Variants in MLF1 observed in about 807,000 individuals in gnomAD.
MLF1 encodes the protein myeloid leukemia factor 1.
Under a neutral mutation model 38.3 loss-of-function variants are expected in MLF1, and 37 were observed. The observed-to-expected ratio is 0.96, with a 90% CI of 0.74 to 1.27. MLF1 has a LOEUF of 1.27. MLF1 is among the 50% of genes most tolerant of loss of function. The pLI, the probability that MLF1 is intolerant of heterozygous loss-of-function variation, is 0.00. For synonymous variants in MLF1, 95 were observed against 106.5 expected (o/e 0.89, Z 0.66); for missense variants, 331 against 349.2 (o/e 0.95, Z 0.42).
intron 1 of MLF1, among the ~76,000 whole-genome samples, chr3:158,587,940 G>A (rs1345491298): frequency 4.6e-5 from 7 of 152,216 alleles, no homozygotes; most frequent in African/African-American, 9.6e-5. Flanking sequence ...GGTAGAGCTT[G>A]CAGTGAGCTG....
At position 158,571,220 on chromosome 3, in the gene MLF1, C is replaced by A; in HGVS notation, c.-81C>A. The A allele has an allele frequency of 8.5e-7, 1 of 1,181,260 alleles. No individual in the cohort carries two copies. Among genetic ancestry groups the A allele is most frequent in the Non-Finnish European group, 1.3e-6 (1 of 797,280 alleles). The allele number at this position is 1,181,260 out of a possible 1,614,324, so 73.2% of individuals were successfully genotyped here. ...AGTGAGGCGTCGTCCGTACTGGAGG[C>A]TAGCTCTTGTCGCGGCCGCGGCGAG... On this transcript the variant is annotated 5_prime_UTR_variant, in exon 1 of 8. Transcript: ENST00000466246.
rs1220583696 is a variant in MLF1 at position 158,587,836 on chromosome 3, T to TA, written c.48-4593dup. Among the ~76,000 whole-genome samples the TA allele has an allele frequency of 6.3e-4, 96 of 152,024 alleles. 2 individuals carry two copies. The highest frequency in any genetic ancestry group is 1.0e-3 in the Admixed American group (16 of 15,262). On this transcript the variant is annotated intron_variant, in intron 1 of 7. Transcript: ENST00000466246. The stretch of plus-strand genomic sequence containing the variant: ...TAACACAGTGAAACCCCATCTCTAC[T>TA]AAAAATAGAAAAAAATTAGCCGGGC...
Position 158,592,513 on chromosome 3 carries a change from A to G in MLF1, c.127A>G (p.Ser43Gly). 3.1e-6 allele frequency: 5 copies of G among 1,612,750 alleles called. No homozygotes were observed. Among genetic ancestry groups the G allele is most frequent in the Non-Finnish European group, 4.2e-6 (5 of 1,179,542 alleles). The stretch of plus-strand genomic sequence containing the variant: ...TGAACCCTTTGGAAGAGACTTGCTC[A>G]GTATCTCTGATGGTAGAGGGAGAGC... The part of the protein sequence containing the change: ...FSEPFGRDLL[S>G]ISDGRGRAHN... Residue 43 changes from serine (S) to glycine (G), a missense_variant, in exon 2 of 8, where the codon AGT (serine) becomes GGT (glycine). Physicochemically the swap from Ser to Gly is moderately conservative, Grantham distance 56. Coordinates refer to ENST00000466246, the MANE Select transcript of MLF1 (RefSeq NM_001369783.1).
At chr3:158,571,909 A>G (rs1281815949) in intron 1 of MLF1, among the ~76,000 whole-genome samples, 3 of 9,122 alleles carry the variant, frequency 3.3e-4, no homozygotes, top group African/African-American at 5.9e-4. Context: ...AAGGGTTTGA[A>G]AGCGTGAGGT....
chr3:158,585,083 A>C (rs946014236), intron 1 of MLF1, among the ~76,000 whole-genome samples: 1 of 151,624 alleles, frequency 6.6e-6, no homozygotes, highest in Non-Finnish European at 1.5e-5. Flanking sequence ...ATACCTTGCT[A>C]TAGCTCAGAT....
At chr3:158,599,084 T>C (rs1719336829) in intron 5 of MLF1, among the ~76,000 whole-genome samples, 1 of 152,178 alleles carries the variant, frequency 6.6e-6, no homozygotes, top group Non-Finnish European at 1.5e-5. Context: ...AGTTGATACA[T>C]GTGGCCCTGG....
At chr3:158,584,393 T>TA (rs966767501) in intron 1 of MLF1, among the ~76,000 whole-genome samples, 3 of 152,084 alleles carry the variant, frequency 2.0e-5, no homozygotes, top group African/African-American at 4.8e-5. Context: ...TACCTATTTT[T>TA]AAAAAATCAA....
Position 158,598,071 on chromosome 3 carries a change from T to TACCTGTAGGTAAAAGTTG in MLF1, c.325_326insTAAAAGTTGACCTGTAGG. ...GACTCGACTGAATTTACAATTTGTT[T>TACCTGTAGGTAAAAGTTG]ACCTGTAGGGTCAACTTTCAGTGGA... On this transcript the variant is annotated splice_polypyrimidine_tract_variant and intron_variant, in intron 4 of 7. Transcript: ENST00000466246. The TACCTGTAGGTAAAAGTTG allele has an allele frequency of 6.2e-7, 1 of 1,610,262 alleles. No homozygotes were observed. Among genetic ancestry groups the TACCTGTAGGTAAAAGTTG allele is most frequent in the Non-Finnish European group, 8.5e-7 (1 of 1,178,912 alleles).
Position 158,602,864 on chromosome 3 carries a change from G to A in MLF1, c.671G>A (p.Gly224Glu). 1 of 1,613,780 alleles carries A rather than the reference G, an allele frequency of 6.2e-7. No homozygotes were observed. The highest frequency in any genetic ancestry group is 1.1e-5 in the South Asian group (1 of 91,066). The change falls in exon 7 of 8, where the codon GGA becomes GAA. Residue 224 changes from glycine to glutamate, a missense_variant. Physicochemically the swap from Gly to Glu is moderately conservative, Grantham distance 98. Coordinates refer to ENST00000466246, the MANE Select transcript of MLF1 (RefSeq NM_001369783.1). ...WQSEVLKYKP[G>E]RHNLGNTRMR... ...AGTGAGGTTTTGAAGTACAAACCAG[G>A]ACGACACAATCTAGGAAACACTAGA...
At chr3:158,597,257 TAAA>T (rs1037054142) in intron 4 of MLF1, among the ~76,000 whole-genome samples, 1 of 151,992 alleles carries the variant, frequency 6.6e-6, no homozygotes, top group African/African-American at 2.4e-5. Context: ...GAAAATTTTT[TAAA>T]AATTGGAAAA....
At chr3:158,577,377 G>A (rs1004458047) in intron 1 of MLF1, among the ~76,000 whole-genome samples, 2 of 152,164 alleles carry the variant, frequency 1.3e-5, no homozygotes, top group Non-Finnish European at 1.5e-5. Context: ...CTGAGGTAGA[G>A]TCTCTGCCAA....
chr3:158,576,282 A>G (rs920385844), intron 1 of MLF1, among the ~76,000 whole-genome samples: 4 of 152,186 alleles, frequency 2.6e-5, no homozygotes, highest in Non-Finnish European at 5.9e-5. Context: ...TTCTTAAACA[A>G]TATCTGTTAC....
chr3:158,586,360 A>C (rs1717265316), intron 1 of MLF1, among the ~76,000 whole-genome samples: 1 of 152,114 alleles, frequency 6.6e-6, no homozygotes, highest in Admixed American at 6.6e-5. Context: ...GTTCAGCTAC[A>C]CTAGATGTAG....
intron 1 of MLF1, chr3:158,582,569 A>T (rs775223553): frequency 3.6e-6 from 1 of 278,114 alleles, no homozygotes. Flanking sequence ...AAAATCAAAG[A>T]TAAAGAAGAA....
intron 7 of MLF1, among the ~76,000 whole-genome samples, chr3:158,604,159 A>AT (rs1720191710): frequency 6.6e-6 from 1 of 152,142 alleles, no homozygotes; most frequent in Non-Finnish European, 1.5e-5. Flanking sequence ...GAGCCCTAGT[A>AT]TTTTCTATTG....
At chr3:158,590,979 T>G (rs1718031200) in intron 1 of MLF1, 1 of 415,922 alleles carries the variant, frequency 2.4e-6, no homozygotes, top group Non-Finnish European at 4.7e-6. Flanking sequence ...ATTATGCTTT[T>G]TTTAACCTCC....
At chr3:158,577,236 C>T (rs1423081724) in intron 1 of MLF1, among the ~76,000 whole-genome samples, 1 of 152,126 alleles carries the variant, frequency 6.6e-6, no homozygotes, top group African/African-American at 2.4e-5. Flanking sequence ...TGAATGTATT[C>T]TATGTACAAG....
At chr3:158,593,187 C>T (rs564938361) in intron 2 of MLF1, among the ~76,000 whole-genome samples, 195 bp from the exon 3 acceptor site, 90 of 151,018 alleles carry the variant, frequency 6.0e-4, no homozygotes, top group African/African-American at 2.2e-3. Flanking sequence ...TCTTTTTTGC[C>T]TCTTTTATTT....
intron 1 of MLF1, among the ~76,000 whole-genome samples, chr3:158,577,027 C>T (rs906643488): frequency 6.6e-6 from 1 of 152,114 alleles, no homozygotes; most frequent in Non-Finnish European, 1.5e-5. Context: ...TCTCAGCTCT[C>T]CATATGAGCA....
Sources: allele counts gnomAD v4.1 joint callset (sites outside exome capture counted in the v4.1 genomes callset), GRCh38; gene constraint gnomAD v4.1.1; transcripts MANE v1.5; gene names NCBI Gene and HGNC (gene_info 2026-07-23, HGNC 2026-07-21).